Variants in PAX7 observed in about 807,000 individuals in gnomAD.
PAX7 encodes paired box protein Pax-7.
Under a neutral mutation model 50.7 loss-of-function variants are expected in PAX7, and 18 were observed. The observed-to-expected ratio is 0.36, with a 90% CI of 0.25 to 0.53. The LOEUF (loss-of-function observed/expected upper bound fraction) is 0.53, where lower values mean the gene tolerates loss of function less well. Among genes scored for constraint, PAX7 ranks in the 20% least tolerant of loss-of-function variants. The pLI, the probability that PAX7 is intolerant of heterozygous loss-of-function variation, is 0.93. For synonymous variants in PAX7, 310 were observed against 290.4 expected, an observed-to-expected ratio of 1.07 and a Z score of -0.69; for missense variants, 644 against 702.9, an observed-to-expected ratio of 0.92 and a Z score of 0.95.
intron 8 of PAX7, among the ~76,000 whole-genome samples, chr1:18,741,551 A>C (rs185599674): frequency 2.6e-5 from 4 of 152,356 alleles, no homozygotes; most frequent in African/African-American, 7.2e-5. Context: ...CATTCTATGC[A>C]CGTAGCAAAA....
chr1:18,643,325 A>G (rs1014919025), intron 4 of PAX7, among the ~76,000 whole-genome samples: 4 of 151,544 alleles, frequency 2.6e-5, no homozygotes, highest in Non-Finnish European at 5.9e-5. Context: ...CTGGTCCTGG[A>G]GGTGCGCTGG....
chr1:18,732,801 C>T (rs1033358333), intron 7 of PAX7, among the ~76,000 whole-genome samples: 14 of 152,154 alleles, frequency 9.2e-5, no homozygotes, highest in Admixed American at 5.2e-4. Context: ...AAAACATCCT[C>T]GTCCTCTTCC....
chr1:18,702,499 C>A (rs1312754060), intron 6 of PAX7, among the ~76,000 whole-genome samples: 3 of 152,102 alleles, frequency 2.0e-5, no homozygotes, highest in Non-Finnish European at 4.4e-5. Flanking sequence ...AGGGTCCCAG[C>A]CTCTGCAAAG....
At chr1:18,674,001 GA>G (rs2088790002) in intron 4 of PAX7, among the ~76,000 whole-genome samples, 1 of 152,198 alleles carries the variant, frequency 6.6e-6, no homozygotes, top group African/African-American at 2.4e-5. Context: ...CATCTCTAAT[GA>G]AATTATTGTA....
chr1:18,745,637 G>A lies in PAX7; in HGVS notation c.*708G>A. 4.3e-6 allele frequency: 1 copy of A among 231,164 alleles called. No individual in the cohort carries two copies. The allele number at this position is 231,164 out of a possible 1,614,324, so 14.3% of individuals were successfully genotyped here. A position where few individuals can be genotyped will look rare whatever the true frequency, so the allele number is the denominator to read the frequency against. On this transcript the variant is annotated 3_prime_UTR_variant, in exon 9 of 9. Transcript: ENST00000420770. ...GGAAGAGGCTTAACCAGAGGGTAGG[G>A]GCACATGGGGGTGGGGCTTGTCAGC...
chr1:18,693,522 A>G (rs2089106834), intron 5 of PAX7, among the ~76,000 whole-genome samples: 1 of 152,194 alleles, frequency 6.6e-6, no homozygotes, highest in Non-Finnish European at 1.5e-5. Flanking sequence ...TTTGAAAGCA[A>G]CTGGGACAAT....
chr1:18,671,355 A>G (rs1022961971), intron 4 of PAX7, among the ~76,000 whole-genome samples: 2 of 152,246 alleles, frequency 1.3e-5, no homozygotes, highest in Non-Finnish European at 2.9e-5. Context: ...ATTGTGAGTC[A>G]TTAAAGAGGA....
intron 8 of PAX7, among the ~76,000 whole-genome samples, chr1:18,742,447 T>C (rs1379874536): frequency 4.6e-5 from 7 of 152,128 alleles, no homozygotes. Context: ...TGAGCCACCG[T>C]GCTCGGGCAG....
intron 5 of PAX7, among the ~76,000 whole-genome samples, chr1:18,692,804 C>T (rs2089092440): frequency 6.6e-6 from 1 of 152,168 alleles, no homozygotes; most frequent in African/African-American, 2.4e-5. Flanking sequence ...TGAACATCCC[C>T]TCCATGGCCT....
At chr1:18,686,431 T>C (rs1021771160) in intron 4 of PAX7, among the ~76,000 whole-genome samples, 2 of 152,200 alleles carry the variant, frequency 1.3e-5, no homozygotes, top group African/African-American at 4.8e-5. Context: ...AGGCTGGCCA[T>C]GAGGCTGCTC....
intron 7 of PAX7, among the ~76,000 whole-genome samples, chr1:18,725,467 T>C (rs1570233406): frequency 1.3e-5 from 2 of 152,092 alleles, no homozygotes; most frequent in Admixed American, 1.3e-4. Flanking sequence ...ATTAGGCCCC[T>C]GACACCTGGA....
At chr1:18,712,942 C>T (rs1189019351) in intron 7 of PAX7, among the ~76,000 whole-genome samples, 24 of 151,850 alleles carry the variant, frequency 1.6e-4, no homozygotes, top group Non-Finnish European at 2.9e-5. Flanking sequence ...ATTAACTGGG[C>T]GTGGTGGTGC....
intron 4 of PAX7, among the ~76,000 whole-genome samples, chr1:18,689,347 T>TGGCAGC (rs2089033855): frequency 6.6e-6 from 1 of 152,260 alleles, no homozygotes; most frequent in African/African-American, 2.4e-5. Context: ...GGCCCCAGGA[T>TGGCAGC]GGCAGCTGTG....
intron 8 of PAX7, among the ~76,000 whole-genome samples, chr1:18,742,167 T>C (rs2100417818): frequency 6.9e-6 from 1 of 144,212 alleles, no homozygotes; most frequent in East Asian, 2.0e-4. Flanking sequence ...TTTTTTTTTT[T>C]TTTTTTTTGA....
chr1:18,736,115 AT>A (rs1378690885), intron 8 of PAX7: 1 of 680,640 alleles, frequency 1.5e-6, no homozygotes, highest in African/African-American at 1.8e-5. Context: ...TCCAACAGAA[AT>A]AAAATACACA....
intron 8 of PAX7, 92 bp from the exon 9 acceptor site, chr1:18,744,722 A>T (rs891743106): frequency 3.2e-5 from 23 of 725,140 alleles, no homozygotes; most frequent in African/African-American, 1.4e-4. Flanking sequence ...GGATGGATGG[A>T]TGGATGGATG....
intron 8 of PAX7, among the ~76,000 whole-genome samples, chr1:18,743,209 G>A (rs772240650): frequency 5.9e-5 from 9 of 152,308 alleles, no homozygotes; most frequent in African/African-American, 1.7e-4. Flanking sequence ...CTGCTGTTAC[G>A]ATCCCCATTT....
intron 5 of PAX7, among the ~76,000 whole-genome samples, chr1:18,693,806 G>A (rs569806925): frequency 6.6e-6 from 1 of 152,186 alleles, no homozygotes; most frequent in African/African-American, 2.4e-5. Context: ...TGGCGGCCAC[G>A]GCGGCTTCCC....
chr1:18,665,956 G>A lies in PAX7; in HGVS notation c.587-25798G>A, dbSNP rs1380541794. Among the ~76,000 whole-genome samples, 8 of 152,206 alleles carry A rather than the reference G, an allele frequency of 5.3e-5. No homozygotes were observed. In the East Asian group the frequency reaches 9.7e-4, roughly 19 times the overall value. ...CAAAGTGCTGGGATTACAGGCATGA[G>A]CCACCATGCCCGGCTGGGGTGGCAT... is the stretch of plus-strand genomic sequence containing the variant. On this transcript the variant is annotated intron_variant, in intron 4 of 8. Coordinates refer to ENST00000420770, the MANE Select transcript of PAX7 (RefSeq NM_001135254.2).
Sources: allele counts gnomAD v4.1 joint callset (sites outside exome capture counted in the v4.1 genomes callset), GRCh38; gene constraint gnomAD v4.1.1; transcripts MANE v1.5; gene names NCBI Gene and HGNC (gene_info 2026-07-23, HGNC 2026-07-21).